AAMDC: variants seen among roughly 807,000 people sequenced by gnomAD.
The protein encoded by AAMDC is mth938 domain-containing protein.
A neutral mutation model predicts 15.5 loss-of-function variants in AAMDC; 16 were observed. The ratio of observed to expected loss-of-function variants is 1.03; its 90% confidence interval spans 0.70 to 1.57. The LOEUF (loss-of-function observed/expected upper bound fraction) is 1.57, where lower values mean the gene tolerates loss of function less well. Among genes scored for constraint, AAMDC ranks in the 40% most tolerant of loss-of-function variants. The probability of loss-of-function intolerance (pLI) is 0.00; values close to 1 mark genes in which losing one functional copy is unlikely to be tolerated. For missense variants in AAMDC, 141 were observed against 144.9 expected, an observed-to-expected ratio of 0.97 and a Z score of 0.14; for synonymous variants, 51 against 51.6, an observed-to-expected ratio of 0.99 and a Z score of 0.05.
At chr11:77,871,260 T>A (rs1951418674) in intron 3 of AAMDC, among the ~76,000 whole-genome samples, 1 of 152,236 alleles carries the variant, frequency 6.6e-6, no homozygotes, top group African/African-American at 2.4e-5. Flanking sequence ...CTAATTAAAA[T>A]CTATTTTTAA....
At chr11:77,872,051 C>G (rs1174018906) in intron 3 of AAMDC, 124 bp from the exon 4 acceptor site, 2 of 1,123,308 alleles carry the variant, frequency 1.8e-6, no homozygotes, top group Non-Finnish European at 2.4e-6. Context: ...TGGTGATACA[C>G]TGAGTGATCG....
intron 5 of AAMDC, among the ~76,000 whole-genome samples, chr11:77,888,196 G>A (rs557087704): frequency 6.6e-6 from 1 of 152,142 alleles, no homozygotes; most frequent in African/African-American, 2.4e-5. Flanking sequence ...ACAGTAACCA[G>A]AACAGCATGG....
rs141675898 is a variant in AAMDC, at chr11:77,879,591, C to A, written c.328+2542C>A. Among the ~76,000 whole-genome samples, 115 of 152,204 alleles carry A rather than the reference C, an allele frequency of 7.6e-4. No homozygotes were observed. The Middle Eastern group carries it at 0.01, about 14-fold the overall frequency. ...GGAAGCCTTTGAATAGGAAGTGGTT[C>A]GCCAAAAAGTTTCTGGCCAATGAAC... On this transcript the variant is annotated intron_variant, in intron 5 of 5. Transcript: ENST00000304716.
intron 2 of AAMDC, among the ~76,000 whole-genome samples, chr11:77,849,450 C>A (rs1268509361): frequency 6.6e-6 from 1 of 152,144 alleles, no homozygotes; most frequent in Non-Finnish European, 1.5e-5. Flanking sequence ...TCTCAAACTC[C>A]TGACCTCAGG....
Position 77,840,489 on chromosome 11 carries a change from A to G in AAMDC, c.-18-1990A>G, listed in dbSNP as rs955327395. On this transcript the variant is annotated intron_variant, in intron 1 of 3. Transcript: ENST00000393427. The stretch of plus-strand genomic sequence containing the variant: ...GGTTGCAGTGAGCCAAGATCGCACC[A>G]CTGCACTCCAGCCTGGGCAACAGAG... Among the ~76,000 whole-genome samples the G allele has an allele frequency of 2.0e-5, 3 of 152,212 alleles. No homozygotes were observed. In the East Asian group the frequency reaches 5.8e-4, roughly 29 times the overall value.
intron 2 of AAMDC, among the ~76,000 whole-genome samples, chr11:77,861,096 A>G (rs1359099590): frequency 1.3e-5 from 2 of 152,060 alleles, no homozygotes; most frequent in East Asian, 3.9e-4. Context: ...TTTGAACAGT[A>G]TGGGCATTTT....
At chr11:77,869,043 T>C in intron 2 of AAMDC, 2 of 341,386 alleles carry the variant, frequency 5.9e-6, no homozygotes, top group Non-Finnish European at 5.5e-6. Flanking sequence ...GGGACATTCC[T>C]TTTTGAACAG....
intron 2 of AAMDC, chr11:77,855,317 GT>G (rs1442880286): frequency 2.0e-5 from 3 of 151,898 alleles, no homozygotes; most frequent in East Asian, 1.9e-4. Context: ...AAAAAGTTTT[GT>G]TTTTTTCTTT....
intron 5 of AAMDC, chr11:77,883,812 C>A (rs766558458): frequency 4.8e-5 from 78 of 1,611,404 alleles, no homozygotes; most frequent in Non-Finnish European, 5.8e-5. Context: ...TCCCTTCCCA[C>A]CCTGGTCCTG....
chr11:77,836,240 A>G (rs1949676629), intron 1 of AAMDC, among the ~76,000 whole-genome samples: 1 of 151,580 alleles, frequency 6.6e-6, no homozygotes, highest in African/African-American at 2.4e-5. Context: ...TGCCCTCCCC[A>G]CCAACTTCAT....
At chr11:77,837,264 T>C (rs1000101202) in intron 1 of AAMDC, among the ~76,000 whole-genome samples, 16 of 151,052 alleles carry the variant, frequency 1.1e-4, no homozygotes, top group African/African-American at 3.7e-4. Flanking sequence ...GTCTACCGAG[T>C]AGCTGGGATT....
intron 5 of AAMDC, among the ~76,000 whole-genome samples, chr11:77,888,179 C>G (rs1952100824): frequency 6.6e-6 from 1 of 152,196 alleles, no homozygotes; most frequent in Non-Finnish European, 1.5e-5. Context: ...AACTATACTA[C>G]AAGCCTACAG....
intron 2 of AAMDC, among the ~76,000 whole-genome samples, chr11:77,843,037 G>A (rs927996763): frequency 4.6e-5 from 7 of 152,128 alleles, no homozygotes; most frequent in African/African-American, 1.7e-4. Context: ...TCTTAGGTGT[G>A]TTCCTAGGAG....
chr11:77,894,767 T>C (rs188343726), intron 5 of AAMDC, among the ~76,000 whole-genome samples: 350 of 152,310 alleles, frequency 2.3e-3, no homozygotes, highest in Non-Finnish European at 3.4e-3. Flanking sequence ...GCTGTCAGCA[T>C]TGGGATGAAA....
At chr11:77,867,785 T>A (rs1951184941) in intron 2 of AAMDC, among the ~76,000 whole-genome samples, 1 of 152,224 alleles carries the variant, frequency 6.6e-6, no homozygotes, top group Non-Finnish European at 1.5e-5. Flanking sequence ...TCATCTTTGT[T>A]AAACACATCA....
chr11:77,879,671 A>G (rs1490292232), intron 5 of AAMDC, among the ~76,000 whole-genome samples: 1 of 152,198 alleles, frequency 6.6e-6, no homozygotes, highest in African/African-American at 2.4e-5. Flanking sequence ...CTTTCATTAC[A>G]TTATCTTACG....
At chr11:77,827,145 T>C (rs868524536) in intron 1 of AAMDC, among the ~76,000 whole-genome samples, 7 of 151,670 alleles carry the variant, frequency 4.6e-5, no homozygotes, top group Admixed American at 6.6e-5. Context: ...AATTTGCCCC[T>C]GGCCCCGCCC....
At chr11:77,852,224 C>CAAAAA (rs545742213) in intron 2 of AAMDC, among the ~76,000 whole-genome samples, 1,274 of 33,444 alleles carry the variant, frequency 0.038, 231 homozygotes, top group African/African-American at 0.19. Context: ...GACACTGTCT[C>CAAAAA]AAAAAAAAAA....
rs185323133 is a variant in AAMDC at position 77,860,050 on chromosome 11, T to C, written c.133-9672T>C. On this transcript the variant is annotated intron_variant, in intron 2 of 3. Coordinates refer to ENST00000393427, the MANE Select transcript of AAMDC (RefSeq NM_024684.4). ...GGCCAACCCTTTGCCACTACATCAG[T>C]TTTCTTACTCAGGTATGCCACAGGT... is the stretch of plus-strand genomic sequence containing the variant. Among the ~76,000 whole-genome samples, 207 of 152,300 alleles carry C rather than the reference T, an allele frequency of 1.4e-3. 1 individual carries two copies. The highest frequency in any genetic ancestry group is 3.3e-3 in the African/African-American group (138 of 41,566).
Sources: allele counts gnomAD v4.1 joint callset (sites outside exome capture counted in the v4.1 genomes callset), GRCh38; gene constraint gnomAD v4.1.1; transcripts MANE v1.5; gene names NCBI Gene and HGNC (gene_info 2026-07-23, HGNC 2026-07-21).